The following DPP6 variants were observed in gnomAD, a reference collection of about 807,000 sequenced individuals.
DPP6 encodes the protein dipeptidyl peptidase like 6.
Under a neutral mutation model 122.6 loss-of-function variants are expected in DPP6, and 69 were observed. The observed-to-expected ratio is 0.56, with a 90% CI of 0.46 to 0.69. DPP6 has a LOEUF of 0.69. DPP6 is among the 30% of genes least tolerant of loss of function. The pLI, the probability that DPP6 is intolerant of heterozygous loss-of-function variation, is 0.00. For missense variants in DPP6, 928 were observed against 1,116.9 expected (o/e 0.83, Z 2.41); for synonymous variants, 418 against 433.1 (o/e 0.97, Z 0.43).
intron 1 of DPP6, among the ~76,000 whole-genome samples, chr7:153,985,355 C>G (rs555892082): frequency 6.6e-6 from 1 of 152,328 alleles, no homozygotes; most frequent in Non-Finnish European, 1.5e-5. Context: ...AGCAACAGCA[C>G]TAGCTCACAG....
intron 1 of DPP6, among the ~76,000 whole-genome samples, chr7:153,899,031 AT>A (rs1799527070): frequency 1.3e-5 from 2 of 152,302 alleles, no homozygotes; most frequent in South Asian, 4.1e-4. Flanking sequence ...AGTGTTTGGA[AT>A]TACAGCCACA....
At chr7:154,174,853 C>T (rs1056599987) in intron 1 of DPP6, among the ~76,000 whole-genome samples, 3 of 151,304 alleles carry the variant, frequency 2.0e-5, no homozygotes, top group African/African-American at 7.3e-5. Context: ...ATAATTTCTT[C>T]ACAGCCCAAT....
chr7:154,331,366 G>A (rs138616973), intron 1 of DPP6, among the ~76,000 whole-genome samples: 23 of 152,302 alleles, frequency 1.5e-4, no homozygotes, highest in African/African-American at 3.6e-4. Flanking sequence ...GGTCTCTGCC[G>A]AGGTCTGAGG....
intron 1 of DPP6, among the ~76,000 whole-genome samples, chr7:154,435,635 A>C (rs562743227): frequency 6.6e-6 from 1 of 152,322 alleles, no homozygotes; most frequent in African/African-American, 2.4e-5. Flanking sequence ...CAGCTGCTAA[A>C]TGTTATTTAA....
chr7:154,610,578 T>C (rs1182942531), intron 5 of DPP6, among the ~76,000 whole-genome samples: 1 of 152,228 alleles, frequency 6.6e-6, no homozygotes, highest in Non-Finnish European at 1.5e-5. Context: ...GCATATTGCT[T>C]CTACGGCCAA....
intron 3 of DPP6, among the ~76,000 whole-genome samples, chr7:154,498,229 T>C (rs1311402846): frequency 6.6e-6 from 1 of 152,218 alleles, no homozygotes; most frequent in African/African-American, 2.4e-5. Context: ...AGTGAGGTAC[T>C]TGGACTGAGC....
At chr7:154,169,380 T>G (rs1290831301) in intron 1 of DPP6, among the ~76,000 whole-genome samples, 3 of 152,096 alleles carry the variant, frequency 2.0e-5, no homozygotes, top group Non-Finnish European at 2.9e-5. Context: ...CTAGTATGAA[T>G]CAGGCAAGCA....
intron 1 of DPP6, chr7:154,058,895 A>C (rs1301116183): frequency 2.1e-5 from 3 of 142,312 alleles, no homozygotes; most frequent in Non-Finnish European, 4.5e-5. Flanking sequence ...GAGAGTGGGG[A>C]CTGAGAGCTA....
At chr7:154,881,048 G>A in intron 21 of DPP6, 106 bp downstream of exon 21, 3 of 1,395,706 alleles carry the variant, frequency 2.1e-6, no homozygotes, top group Non-Finnish European at 2.8e-6. Flanking sequence ...GTCTGCTGGT[G>A]AGCAAGTAAT....
At chr7:154,614,327 T>TA (rs1416361202) in intron 5 of DPP6, among the ~76,000 whole-genome samples, 2 of 152,232 alleles carry the variant, frequency 1.3e-5, no homozygotes, top group Non-Finnish European at 2.9e-5. Flanking sequence ...TTTAATGAAA[T>TA]AATTATGGAA....
chr7:154,877,650 G>C lies in DPP6; in HGVS notation c.2078+1550G>C, dbSNP rs924051797. Among the ~76,000 whole-genome samples, 6 of 152,242 alleles carry C rather than the reference G, an allele frequency of 3.9e-5. No homozygotes were observed. The highest frequency in any genetic ancestry group is 1.4e-4 in the African/African-American group (6 of 41,536). ...CTTCGTCATCTACCTCCAGCAGGTT[G>C]GGGAGGAAACCACTTTTAGAAACTT... On this transcript the variant is annotated intron_variant, in intron 20 of 25. Coordinates refer to ENST00000377770, the MANE Select transcript of DPP6 (RefSeq NM_130797.4). The surrounding 1 kb of genome is among the most constrained non-coding windows in gnomAD (Gnocchi z 5.2).
intron 1 of DPP6, among the ~76,000 whole-genome samples, chr7:154,014,174 C>T (rs1015948086): frequency 4.7e-5 from 7 of 150,098 alleles, no homozygotes; most frequent in Non-Finnish European, 1.0e-4. Context: ...TTGATAAATT[C>T]TACCGAAGTG....
At chr7:154,706,562 G>A (rs967858814) in intron 7 of DPP6, among the ~76,000 whole-genome samples, 6 of 152,184 alleles carry the variant, frequency 3.9e-5, no homozygotes, top group Non-Finnish European at 7.3e-5. Context: ...CTTGGGCAGG[G>A]CCTGATGCTG....
chr7:154,040,250 AAG>A (rs1395168242), intron 1 of DPP6, among the ~76,000 whole-genome samples: 1 of 141,726 alleles, frequency 7.1e-6, no homozygotes, highest in African/African-American at 3.0e-5. Flanking sequence ...ATAGGTGGGA[AAG>A]AGAAGCAGTA....
chr7:153,838,504 G>T, the DPP6 span, among the ~76,000 whole-genome samples: 1 of 152,164 alleles, frequency 6.6e-6, no homozygotes, highest in Admixed American at 6.5e-5. Context: ...TGTAACTATT[G>T]TTGAAACAGC....
intron 1 of DPP6, among the ~76,000 whole-genome samples, chr7:154,439,725 T>C (rs1422437343): frequency 6.6e-6 from 1 of 152,234 alleles, no homozygotes; most frequent in Non-Finnish European, 1.5e-5. Context: ...AAGTTAATTC[T>C]GAAAACACAG....
At chr7:154,889,736 GC>G (rs1230420837) in intron 25 of DPP6, 1 of 786,724 alleles carries the variant, frequency 1.3e-6, no homozygotes, top group Non-Finnish European at 1.9e-6. Flanking sequence ...CTGTACTTCA[GC>G]CCGGTTTAAA....
At chr7:154,612,313 G>A (rs1335277062) in intron 5 of DPP6, among the ~76,000 whole-genome samples, 1 of 152,206 alleles carries the variant, frequency 6.6e-6, no homozygotes, top group African/African-American at 2.4e-5. Context: ...GACAGCCACA[G>A]CCACTCCTTC....
chr7:154,421,512 C>A (rs1331880800), intron 1 of DPP6, among the ~76,000 whole-genome samples: 2 of 152,024 alleles, frequency 1.3e-5, no homozygotes, highest in African/African-American at 2.4e-5. Context: ...TTAGTAGAGA[C>A]AGGGTTTCAC....
Sources: gnomAD v4.1 joint callset for allele counts (sites outside exome capture counted in the v4.1 genomes callset) on GRCh38, gnomAD v4.1.1 for gene constraint, Gnocchi (gnomAD v3.1) non-coding constraint, MANE v1.5 for transcripts, NCBI Gene and HGNC (gene_info 2026-07-23, HGNC 2026-07-21) for gene names.